GMDS: variants seen among roughly 807,000 people sequenced by gnomAD.
The protein encoded by GMDS is GDP-mannose 4,6-dehydratase.
A neutral mutation model predicts 49.9 loss-of-function variants in GMDS; 20 were observed. The observed-to-expected ratio is 0.40, with a 90% CI of 0.28 to 0.58. The LOEUF (loss-of-function observed/expected upper bound fraction) is 0.58, where lower values mean the gene tolerates loss of function less well. Ranked by LOEUF, GMDS falls within the 20% of genes least tolerant of loss-of-function variation. The probability of loss-of-function intolerance (pLI) is 0.42; values close to 1 mark genes in which losing one functional copy is unlikely to be tolerated. For missense variants in GMDS, 362 were observed against 481.4 expected (o/e 0.75, Z 2.32); for synonymous variants, 177 against 178.6 (o/e 0.99, Z 0.07).
chr6:1,669,196 C>G (rs1306551138), intron 9 of GMDS, among the ~76,000 whole-genome samples: 1 of 152,182 alleles, frequency 6.6e-6, no homozygotes, highest in Non-Finnish European at 1.5e-5. Context: ...AAGCGCAAAG[C>G]AGGGTTGGGC....
intron 4 of GMDS, among the ~76,000 whole-genome samples, chr6:2,062,652 A>T (rs1771258629): frequency 6.6e-6 from 1 of 152,218 alleles, no homozygotes; most frequent in Non-Finnish European, 1.5e-5. Flanking sequence ...AAAAGTCAAG[A>T]TACAAAAATA....
At chr6:1,630,265 T>C (rs1380296594) in intron 9 of GMDS, among the ~76,000 whole-genome samples, 1 of 152,240 alleles carries the variant, frequency 6.6e-6, no homozygotes. Context: ...ATGCTGGAGA[T>C]GTGTGGAGAT....
chr6:2,126,379 A>C (rs77161190), intron 1 of GMDS, among the ~76,000 whole-genome samples: 262 of 152,298 alleles, frequency 1.7e-3, no homozygotes, highest in Non-Finnish European at 2.0e-3. Flanking sequence ...CAATTTGAAC[A>C]GGCTTTAAAT....
At chr6:2,036,500 C>A (rs1485527326) in intron 4 of GMDS, among the ~76,000 whole-genome samples, 2 of 152,144 alleles carry the variant, frequency 1.3e-5, no homozygotes, top group Non-Finnish European at 2.9e-5. Flanking sequence ...TCCCAGGGAT[C>A]ACTTAGTACA....
intron 7 of GMDS, among the ~76,000 whole-genome samples, chr6:1,895,994 C>A (rs1208868375): frequency 6.6e-6 from 1 of 152,060 alleles, no homozygotes; most frequent in Non-Finnish European, 1.5e-5. Flanking sequence ...TCGTTCCTGA[C>A]CTCCAGGAGC....
At chr6:2,121,063 G>C (rs1023191626) in intron 2 of GMDS, among the ~76,000 whole-genome samples, 1 of 152,128 alleles carries the variant, frequency 6.6e-6, no homozygotes, top group African/African-American at 2.4e-5. Flanking sequence ...TTACAGAAAA[G>C]GCAACTAAGT....
At chr6:2,234,434 C>T (rs1781256464) in intron 1 of GMDS, among the ~76,000 whole-genome samples, 1 of 151,916 alleles carries the variant, frequency 6.6e-6, no homozygotes, top group South Asian at 2.1e-4. Flanking sequence ...GTGGTGAAAC[C>T]CCATCTCTAC....
chr6:2,200,810 A>C (rs1285113128), intron 1 of GMDS, among the ~76,000 whole-genome samples: 836 of 61,650 alleles, frequency 0.014, no homozygotes, highest in Middle Eastern at 0.052. Context: ...CAGAGCACCA[A>C]ATGGGCATCC....
At chr6:1,829,973 T>C (rs1771285067) in intron 7 of GMDS, among the ~76,000 whole-genome samples, 1 of 152,198 alleles carries the variant, frequency 6.6e-6, no homozygotes, top group African/African-American at 2.4e-5. Flanking sequence ...CAAGCCTTGG[T>C]TTTGAGTTAT....
intron 4 of GMDS, among the ~76,000 whole-genome samples, chr6:2,069,219 G>T (rs2127456999): frequency 6.6e-6 from 1 of 152,256 alleles, no homozygotes; most frequent in Non-Finnish European, 1.5e-5. Context: ...GCCCTATGTA[G>T]AAAGCTGAAA....
At chr6:2,084,754 G>A (rs897343642) in intron 4 of GMDS, among the ~76,000 whole-genome samples, 15 of 152,108 alleles carry the variant, frequency 9.9e-5, no homozygotes, top group Admixed American at 3.3e-4. Flanking sequence ...TGATCCGCCC[G>A]CCTCAGCTTC....
chr6:1,991,887 GAC>G (rs1467188709), intron 4 of GMDS, among the ~76,000 whole-genome samples: 1 of 152,236 alleles, frequency 6.6e-6, no homozygotes, highest in Non-Finnish European at 1.5e-5. Context: ...AGAAGACACA[GAC>G]ACAAAGACAC....
chr6:1,741,050 T>C (rs1767251064), intron 8 of GMDS, among the ~76,000 whole-genome samples: 1 of 152,182 alleles, frequency 6.6e-6, no homozygotes. Context: ...TTTTTAAAAT[T>C]TTAATTGACA....
intron 4 of GMDS, among the ~76,000 whole-genome samples, chr6:2,107,706 C>T (rs1350942044): frequency 6.6e-6 from 1 of 152,212 alleles, no homozygotes. Context: ...TTTGTTCCAT[C>T]CACATCACCT....
chr6:2,128,106 T>C (rs1273194805), intron 1 of GMDS, among the ~76,000 whole-genome samples: 1 of 152,206 alleles, frequency 6.6e-6, no homozygotes, highest in Non-Finnish European at 1.5e-5. Context: ...GTATCTATTT[T>C]ATATTAAATG....
chr6:1,856,583 C>G (rs1757946107), intron 7 of GMDS, among the ~76,000 whole-genome samples: 1 of 152,206 alleles, frequency 6.6e-6, no homozygotes, highest in Non-Finnish European at 1.5e-5. Flanking sequence ...CAGCTTTGCT[C>G]AAGACAGGCA....
At chr6:2,085,562 C>T (rs950283430) in intron 4 of GMDS, among the ~76,000 whole-genome samples, 1 of 152,152 alleles carries the variant, frequency 6.6e-6, no homozygotes, top group Non-Finnish European at 1.5e-5. Flanking sequence ...CAGGGTCTCA[C>T]TCTGTCATCC....
At chr6:1,940,850 T>C (rs766394817) in intron 6 of GMDS, among the ~76,000 whole-genome samples, 16 of 152,252 alleles carry the variant, frequency 1.1e-4, no homozygotes, top group Non-Finnish European at 2.2e-4. Flanking sequence ...TTTGGTACTA[T>C]TGACATTTAA....
At chr6:2,017,329 G>A (rs1767966436) in intron 4 of GMDS, among the ~76,000 whole-genome samples, 1 of 151,078 alleles carries the variant, frequency 6.6e-6, no homozygotes, top group Non-Finnish European at 1.5e-5. Flanking sequence ...TTCCCCCTGA[G>A]ACAGAGTCTC....
Sources: allele counts gnomAD v4.1 joint callset (sites outside exome capture counted in the v4.1 genomes callset), GRCh38; gene constraint gnomAD v4.1.1; transcripts MANE v1.5; gene names NCBI Gene and HGNC (gene_info 2026-07-23, HGNC 2026-07-21).